GLTP: variants seen among roughly 807,000 people sequenced by gnomAD.
GLTP encodes glycolipid transfer protein.
Under a neutral mutation model 24.0 loss-of-function variants are expected in GLTP, and 22 were observed. The observed-to-expected ratio is 0.92, with a 90% confidence interval of 0.65 to 1.31. The LOEUF (loss-of-function observed/expected upper bound fraction) is 1.31, where lower values mean the gene tolerates loss of function less well. GLTP is among the 50% of genes most tolerant of loss of function. The probability of loss-of-function intolerance (pLI) is 0.00; values close to 1 mark genes in which losing one functional copy is unlikely to be tolerated. For synonymous variants in GLTP, 92 were observed against 115.9 expected (o/e 0.79, Z 1.33); for missense variants, 224 against 276.6 (o/e 0.81, Z 1.35).
intron 3 of GLTP, among the ~76,000 whole-genome samples, chr12:109,856,198 C>T (rs528284968): frequency 2.6e-5 from 4 of 152,292 alleles, no homozygotes; most frequent in East Asian, 3.9e-4. Context: ...ACTGGCCCCG[C>T]GTGTACCAGG....
chr12:109,873,669 C>T (rs946781686), intron 1 of GLTP, among the ~76,000 whole-genome samples: 25 of 149,094 alleles, frequency 1.7e-4, no homozygotes, highest in South Asian at 1.1e-3. Flanking sequence ...AAGAGTTGAG[C>T]GCCGTGGCAC....
Position 109,855,582 on chromosome 12 carries a change from AGCTGGTGGTCCTTTG to A in GLTP, c.447+22_447+36del. The A allele has an allele frequency of 6.6e-7, 1 of 1,509,142 alleles. No homozygotes were observed. The highest frequency in any genetic ancestry group is 8.9e-7 in the Non-Finnish European group (1 of 1,122,930). 93.5% of individuals were successfully genotyped at this position (1,509,142 alleles called of 1,614,324 possible). A position where few individuals can be genotyped will look rare whatever the true frequency, so the allele number is the denominator to read the frequency against. The stretch of plus-strand genomic sequence containing the variant: ...GGCAGAGTGGGGAGCAGAATCTGCA[AGCTGGTGGTCCTTTG>A]GGGCTCATGGGGGTGGCTCACCTGG... On this transcript the variant is annotated intron_variant, in intron 4 of 4. Transcript: ENST00000318348. The surrounding 1 kb of genome is among the most constrained non-coding windows in gnomAD (Gnocchi z 4.1).
In GLTP at chr12:109,858,715, G is replaced by A. The variant is rs2136043817; in HGVS notation, c.130C>T (p.Pro44Ser). 3 of 1,612,426 alleles carry A rather than the reference G, an allele frequency of 1.9e-6. No homozygotes were observed. Among genetic ancestry groups the A allele is most frequent in the Non-Finnish European group, 2.5e-6 (3 of 1,178,498 alleles). The part of the protein sequence containing the change: ...FDCLGSPVFT[P>S]IKADISGNIT... ...TTGCCGCTTATGTCTGCCTTGATGG[G>A]AGTAAACACTGGGGACCCAAGGCAA... The change falls in exon 2 of 5, where the codon CCC becomes TCC. Residue 44 changes from proline (P) to serine (S), a missense_variant. Pro to Ser is a moderately conservative substitution (Grantham distance 74, BLOSUM62 -1). Transcript: ENST00000318348.
rs561827339 is a variant in GLTP at position 109,856,027 on chromosome 12, A to AG, written c.297-259dup. 7.2e-3 allele frequency among the ~76,000 whole-genome samples: 1,091 copies of AG among 152,058 alleles called. 7 individuals carry two copies. The highest frequency in any genetic ancestry group is 0.01 in the Non-Finnish European group (699 of 67,966). ...AGTCACACTGGCTGTAAGATCCACG[A>AG]GGGGTGGGTCTGGGCCTGCCTTGTC... On this transcript the variant is annotated intron_variant, in intron 3 of 4. Transcript: ENST00000318348.
intron 1 of GLTP, among the ~76,000 whole-genome samples, chr12:109,862,595 G>GAGCT (rs1397421574): frequency 6.6e-6 from 1 of 152,084 alleles, no homozygotes; most frequent in Non-Finnish European, 1.5e-5. Context: ...TTCCCAAAAT[G>GAGCT]TATAATGAGC....
chr12:109,869,628 T>TTTTTTTTG (rs1285549482), intron 1 of GLTP, among the ~76,000 whole-genome samples: 2 of 150,108 alleles, frequency 1.3e-5, no homozygotes, highest in African/African-American at 4.9e-5. Flanking sequence ...GCTAATTTTT[T>TTTTTTTTG]TTTTTTTGTT....
chr12:109,871,066 C>T (rs1393470292), intron 1 of GLTP, among the ~76,000 whole-genome samples: 1 of 151,518 alleles, frequency 6.6e-6, no homozygotes, highest in Non-Finnish European at 1.5e-5. Context: ...AAGACTAGGA[C>T]CCAACATTTC....
At chr12:109,878,424 G>A (rs1868953217) in intron 1 of GLTP, among the ~76,000 whole-genome samples, 2 of 151,982 alleles carry the variant, frequency 1.3e-5, no homozygotes, top group Admixed American at 1.3e-4. Context: ...AAGACACCCC[G>A]TGCCCCATCC....
At chr12:109,867,041 G>T (rs1243572218) in intron 1 of GLTP, among the ~76,000 whole-genome samples, 1 of 151,024 alleles carries the variant, frequency 6.6e-6, no homozygotes, top group Non-Finnish European at 1.5e-5. Flanking sequence ...GCCTCCCAAA[G>T]TGCTAGGATT....
intron 1 of GLTP, among the ~76,000 whole-genome samples, chr12:109,867,854 TGCAAGCTCC>T (rs1226536918): frequency 6.6e-6 from 1 of 151,184 alleles, no homozygotes; most frequent in Non-Finnish European, 1.5e-5. Flanking sequence ...CTCAGCTCAC[TGCAAGCTCC>T]GCCTTCTGGG....
In GLTP at chr12:109,880,472, C is replaced by A. The variant is rs1356929952; in HGVS notation, c.-98G>T. On this transcript the variant is annotated 5_prime_UTR_variant, in exon 1 of 5. Coordinates refer to ENST00000318348, the MANE Select transcript of GLTP (RefSeq NM_016433.4). This position sits in a 1 kb window ranked among gnomAD's most constrained non-coding sequence, Gnocchi z 5.1. ...GTCAGCGCCGGGGCCGTCACAGCCG[C>A]CCGCCGCAGGCTCCGGGGACGCCAG... 7 of 332,510 alleles carry A rather than the reference C, an allele frequency of 2.1e-5. No individual in the cohort carries two copies. Among genetic ancestry groups the A allele is most frequent in the Non-Finnish European group, 3.4e-5 (7 of 203,788 alleles). The allele number at this position is 332,510 out of a possible 1,614,324, so 20.6% of individuals were successfully genotyped here. A position where few individuals can be genotyped will look rare whatever the true frequency, so the allele number is the denominator to read the frequency against.
chr12:109,854,865 C>A (rs978983049), intron 4 of GLTP, among the ~76,000 whole-genome samples: 7 of 152,202 alleles, frequency 4.6e-5, no homozygotes, highest in Non-Finnish European at 8.8e-5. Flanking sequence ...TGGCTTCTGC[C>A]CCAGCCTGCT....
At chr12:109,859,456 T>C (rs908097173) in intron 1 of GLTP, among the ~76,000 whole-genome samples, 2 of 151,902 alleles carry the variant, frequency 1.3e-5, no homozygotes, top group African/African-American at 4.8e-5. Context: ...GAGGTGGAGG[T>C]TGTAGTGAGG....
At chr12:109,860,302 G>A (rs1370665209) in intron 1 of GLTP, 1 of 213,482 alleles carries the variant, frequency 4.7e-6, no homozygotes, top group African/African-American at 2.3e-5. Context: ...AAGACTAGTG[G>A]TAACTGGTTT....
chr12:109,879,880 C>G (rs1327615977), intron 1 of GLTP, among the ~76,000 whole-genome samples: 1 of 151,752 alleles, frequency 6.6e-6, no homozygotes, highest in Non-Finnish European at 1.5e-5. Context: ...CATCAGAAAG[C>G]GCCAGGGATG....
chr12:109,880,174 G>C lies in GLTP; in HGVS notation c.103+98C>G. ...GGGTGCCTGGGGAAACAGTACTTAG[G>C]GGTGTCTAGGGCAGAGATGGTTAGG... is the stretch of plus-strand genomic sequence containing the variant. On this transcript the variant is annotated intron_variant, in intron 1 of 4. Coordinates refer to ENST00000318348, the MANE Select transcript of GLTP (RefSeq NM_016433.4). This position sits in a 1 kb window ranked among gnomAD's most constrained non-coding sequence, Gnocchi z 5.1. The C allele has an allele frequency of 1.4e-6, 1 of 697,472 alleles. No individual in the cohort carries two copies. The highest frequency in any genetic ancestry group is 3.1e-5 in the East Asian group (1 of 32,186). 43.2% of individuals were successfully genotyped at this position (697,472 alleles called of 1,614,324 possible).
At chr12:109,853,687 C>CAAA (rs1194984784) in intron 4 of GLTP, among the ~76,000 whole-genome samples, 1 of 79,522 alleles carries the variant, frequency 1.3e-5, no homozygotes, top group Non-Finnish European at 2.8e-5. Context: ...GACTCCGTTT[C>CAAA]AAAAAAAAAA....
intron 1 of GLTP, among the ~76,000 whole-genome samples, chr12:109,873,981 T>C (rs1207818017): frequency 6.6e-6 from 1 of 152,234 alleles, no homozygotes; most frequent in Non-Finnish European, 1.5e-5. Context: ...CAAACCTGCA[T>C]GTCTGGTCTG....
At chr12:109,869,583 G>T (rs1177670443) in intron 1 of GLTP, among the ~76,000 whole-genome samples, 9 of 148,614 alleles carry the variant, frequency 6.1e-5, no homozygotes, top group Admixed American at 1.4e-4. Flanking sequence ...AGCCTCCCGA[G>T]TATCTGAGAC....
Sources: gnomAD v4.1 joint callset for allele counts (sites outside exome capture counted in the v4.1 genomes callset) on GRCh38, gnomAD v4.1.1 for gene constraint, Gnocchi (gnomAD v3.1) non-coding constraint, MANE v1.5 for transcripts, NCBI Gene and HGNC (gene_info 2026-07-23, HGNC 2026-07-21) for gene names.